Variants in ENAH observed in about 807,000 individuals in gnomAD.
ENAH encodes the protein ENAH actin regulator, also known as protein enabled homolog.
In ENAH, 23 loss-of-function variants were observed where a neutral mutation model predicts 78.7. That is an observed-to-expected ratio of 0.29 (90% CI 0.21 to 0.41). The LOEUF is 0.41. ENAH is among the 10% of genes least tolerant of loss of function. ENAH has a pLI of 1.00. For synonymous variants in ENAH, 226 were observed against 241.0 expected (o/e 0.94, Z 0.58); for missense variants, 544 against 691.0 (o/e 0.79, Z 2.39).
chr1:225,544,843 A>C (rs187794247), intron 3 of ENAH, among the ~76,000 whole-genome samples: 28 of 152,066 alleles, frequency 1.8e-4, no homozygotes, highest in Non-Finnish European at 3.5e-4. Context: ...AAAAAATCAC[A>C]AAAAAAATCA....
chr1:225,542,798 T>C (rs1048376142), intron 3 of ENAH, among the ~76,000 whole-genome samples: 4 of 152,050 alleles, frequency 2.6e-5, no homozygotes, highest in African/African-American at 4.8e-5. Context: ...AGGCAGGACA[T>C]TGAGGCCAGG....
intron 11 of ENAH, among the ~76,000 whole-genome samples, chr1:225,504,367 C>T (rs2096308943): frequency 6.6e-6 from 1 of 152,088 alleles, no homozygotes. Flanking sequence ...TATAAAATGA[C>T]TGTACTACTA....
rs756957963 is a variant in ENAH, at chr1:225,495,780, T to C, written c.*1995A>G. On this transcript the variant is annotated 3_prime_UTR_variant, in exon 14 of 14. Coordinates refer to ENST00000366843, the MANE Select transcript of ENAH (RefSeq NM_018212.6). ...TTTAGAAAATAATACTTAATAAGCTTGCTGCATCTTTGATGTTTTTACTAC... is the reference window on the plus strand; with the variant it reads ...TTTAGAAAATAATACTTAATAAGCTCGCTGCATCTTTGATGTTTTTACTAC... 3 of 152,574 alleles carry C rather than the reference T, an allele frequency of 2.0e-5. No individual in the cohort carries two copies. Among genetic ancestry groups the C allele is most frequent in the Non-Finnish European group, 2.9e-5 (2 of 68,016 alleles). The allele number at this position is 152,574 out of a possible 1,614,324, so 9.5% of individuals were successfully genotyped here. A position where few individuals can be genotyped will look rare whatever the true frequency, so the allele number is the denominator to read the frequency against.
chr1:225,511,901 C>CATAT (rs2096379846), intron 9 of ENAH, 42 bp from the exon 10 acceptor site: 1 of 1,342,918 alleles, frequency 7.4e-7, no homozygotes, highest in Non-Finnish European at 1.0e-6. Context: ...CTACCAGTCC[C>CATAT]CTGTTGCTAT....
intron 1 of ENAH, among the ~76,000 whole-genome samples, chr1:225,577,381 A>G (rs1398071592): frequency 6.6e-6 from 1 of 152,218 alleles, no homozygotes; most frequent in African/African-American, 2.4e-5. Flanking sequence ...AGATTGAGGA[A>G]TACAACAAAA....
At chr1:225,607,508 T>TG (rs1323833179) in intron 1 of ENAH, among the ~76,000 whole-genome samples, 2 of 65,888 alleles carry the variant, frequency 3.0e-5, no homozygotes, top group Non-Finnish European at 3.1e-5. Context: ...CAGAGCAGGG[T>TG]GGGGGGCAAA....
chr1:225,531,109 C>T (rs1015464234), intron 3 of ENAH: 4 of 398,172 alleles, frequency 1.0e-5, no homozygotes, highest in South Asian at 1.3e-4. Context: ...TATTACTAGA[C>T]TCCAGTATGC....
chr1:225,538,277 C>CT (rs202242613), intron 3 of ENAH, among the ~76,000 whole-genome samples: 2,027 of 151,680 alleles, frequency 0.013, 53 homozygotes, highest in African/African-American at 0.046. Flanking sequence ...TCAAAGGTAT[C>CT]TAGAATAGAA....
chr1:225,562,987 C>T (rs889698254), intron 2 of ENAH, among the ~76,000 whole-genome samples: 8 of 151,364 alleles, frequency 5.3e-5, no homozygotes, highest in Admixed American at 3.3e-4. Context: ...AAAAAAAACC[C>T]GAAATGCAAG....
At chr1:225,647,005 T>C (rs974690479) in intron 1 of ENAH, among the ~76,000 whole-genome samples, 1 of 149,204 alleles carries the variant, frequency 6.7e-6, no homozygotes, top group African/African-American at 2.5e-5. Context: ...GGTGGGCGCA[T>C]CACGAGGTCA....
chr1:225,625,609 A>C (rs1657807389), intron 1 of ENAH, among the ~76,000 whole-genome samples: 1 of 151,738 alleles, frequency 6.6e-6, no homozygotes, highest in Admixed American at 6.6e-5. Flanking sequence ...CCCAACCTCC[A>C]CCTCCTGGGT....
At chr1:225,529,688 C>A (rs977548165) in intron 4 of ENAH, among the ~76,000 whole-genome samples, 4 of 152,094 alleles carry the variant, frequency 2.6e-5, no homozygotes, top group African/African-American at 9.7e-5. Context: ...GTGGAGGCAT[C>A]CATAACCCAG....
chr1:225,604,621 CAAAAAAAA>C (rs762454618), intron 1 of ENAH, among the ~76,000 whole-genome samples: 28 of 88,962 alleles, frequency 3.1e-4, no homozygotes, highest in Non-Finnish European at 4.0e-4. Flanking sequence ...CCGTCTCTAC[CAAAAAAAA>C]AAAAAAAAAA....
intron 1 of ENAH, among the ~76,000 whole-genome samples, chr1:225,593,528 A>G (rs17502858): frequency 0.043 from 6,476 of 151,650 alleles, 227 homozygotes; most frequent in South Asian, 0.1. Flanking sequence ...AGGGGTGGAA[A>G]AGTAAGTATA....
intron 1 of ENAH, among the ~76,000 whole-genome samples, chr1:225,626,326 T>G (rs558102553): frequency 6.6e-6 from 1 of 152,248 alleles, no homozygotes; most frequent in Non-Finnish European, 1.5e-5. Flanking sequence ...ATCGTTCTAC[T>G]GAGGTTAAAT....
chr1:225,580,411 A>G (rs2096810213), intron 1 of ENAH, among the ~76,000 whole-genome samples: 1 of 152,156 alleles, frequency 6.6e-6, no homozygotes. Context: ...TGATGACTTC[A>G]GTTGAGACTG....
intron 1 of ENAH, among the ~76,000 whole-genome samples, chr1:225,622,078 G>C (rs1046135876): frequency 3.9e-5 from 6 of 152,122 alleles, no homozygotes; most frequent in Admixed American, 3.3e-4. Flanking sequence ...TCTTTAAAAA[G>C]TCATACTATT....
intron 3 of ENAH, among the ~76,000 whole-genome samples, chr1:225,537,319 C>G (rs560769731): frequency 2.6e-5 from 4 of 152,262 alleles, no homozygotes; most frequent in Non-Finnish European, 5.9e-5. Context: ...TAAAAAATTC[C>G]CAGTCTTTCT....
chr1:225,615,917 A>G (rs1367875177), intron 1 of ENAH, among the ~76,000 whole-genome samples: 1 of 152,214 alleles, frequency 6.6e-6, no homozygotes. Flanking sequence ...AAGAAAGAGA[A>G]ATCAGATTGT....
Sources: gnomAD v4.1 joint callset for allele counts (sites outside exome capture counted in the v4.1 genomes callset) on GRCh38, gnomAD v4.1.1 for gene constraint, MANE v1.5 for transcripts, NCBI Gene and HGNC (gene_info 2026-07-23, HGNC 2026-07-21) for gene names.